The following DUOX2 variants were observed in gnomAD, a reference collection of about 807,000 sequenced individuals.
DUOX2 encodes NADH/NADPH thyroid oxidase p138-tox.
A neutral mutation model predicts 183.3 loss-of-function variants in DUOX2; 185 were observed. That is an observed-to-expected ratio of 1.01 (90% CI 0.90 to 1.14). The LOEUF is 1.14. Among genes scored for constraint, DUOX2 ranks in the 50% most tolerant of loss-of-function variants. The pLI, the probability that DUOX2 is intolerant of heterozygous loss-of-function variation, is 0.00. For synonymous variants in DUOX2, 788 were observed against 812.4 expected (o/e 0.97, Z 0.51); for missense variants, 1,999 against 2,022.9 (o/e 0.99, Z 0.23).
Position 45,094,049 on chromosome 15 carries a change from C to A in DUOX2, c.*101G>T. On this transcript the variant is annotated 3_prime_UTR_variant, in exon 34 of 34. Coordinates refer to ENST00000389039, the MANE Select transcript of DUOX2 (RefSeq NM_001363711.2). ...GGCTCTGCAGCCCTCCAGCTGAGGC[C>A]TAAGGTGGATTCTGATGGAGAGATT... The A allele has an allele frequency of 6.4e-7, 1 of 1,557,560 alleles. No homozygotes were observed. Among genetic ancestry groups the A allele is most frequent in the South Asian group, 1.1e-5 (1 of 89,514 alleles).
chr15:45,109,794 G>A (rs1894328561), intron 10 of DUOX2, 96 bp downstream of exon 10: 3 of 1,365,934 alleles, frequency 2.2e-6, no homozygotes, highest in Non-Finnish European at 3.1e-6. Flanking sequence ...TGAACCTGGG[G>A]CAGCAACACT....
chr15:45,103,930 G>A (rs2141148696), intron 20 of DUOX2, 30 bp downstream of exon 20: 3 of 1,611,492 alleles, frequency 1.9e-6, no homozygotes, highest in African/African-American at 2.7e-5. Flanking sequence ...ACACCAGGAA[G>A]TCTCAGGATT....
At chr15:45,097,500 G>A (rs557823996) in intron 28 of DUOX2, 109 bp from the exon 29 acceptor site, 5 of 1,612,004 alleles carry the variant, frequency 3.1e-6, no homozygotes, top group Admixed American at 3.3e-5. Context: ...TGAGGTCTGG[G>A]GTCTTAAATC....
At chr15:45,107,256 C>T in intron 14 of DUOX2, 89 bp downstream of exon 14, 1 of 1,541,990 alleles carries the variant, frequency 6.5e-7, no homozygotes, top group East Asian at 2.3e-5. Context: ...GCCTGGCTCC[C>T]TGGACAGCAC....
chr15:45,094,047 G>C lies in DUOX2; in HGVS notation c.*103C>G. 6.5e-7 allele frequency: 1 copy of C among 1,533,108 alleles called. No individual in the cohort carries two copies. The allele number at this position is 1,533,108 out of a possible 1,614,324, so 95.0% of individuals were successfully genotyped here. ...GGGGCTCTGCAGCCCTCCAGCTGAGGCCTAAGGTGGATTCTGATGGAGAGA... is the reference window on the plus strand; with the variant it reads ...GGGGCTCTGCAGCCCTCCAGCTGAGCCCTAAGGTGGATTCTGATGGAGAGA... On this transcript the variant is annotated 3_prime_UTR_variant, in exon 34 of 34. Transcript: ENST00000389039.
intron 30 of DUOX2, 35 bp from the exon 31 acceptor site, chr15:45,095,630 C>A (rs1388242608): frequency 6.8e-6 from 11 of 1,614,086 alleles, no homozygotes; most frequent in Non-Finnish European, 8.5e-6. Context: ...ATGAGCCTGA[C>A]CCTGCCCCAG....
In DUOX2 at chr15:45,113,095, G is replaced by A; in HGVS notation, c.71-19C>T. On this transcript the variant is annotated intron_variant, in intron 2 of 33. Transcript: ENST00000389039. ...TGACTGCCTGTGGGCACAGAGAAGGGCCTCCTCAGCACTACGCTCCCAGCT... is the reference window on the plus strand; with the variant it reads ...TGACTGCCTGTGGGCACAGAGAAGGACCTCCTCAGCACTACGCTCCCAGCT... 6.2e-7 allele frequency: 1 copy of A among 1,610,314 alleles called. No homozygotes were observed. Among genetic ancestry groups the A allele is most frequent in the Non-Finnish European group, 8.5e-7 (1 of 1,177,782 alleles).
At chr15:45,101,065 G>T in intron 22 of DUOX2, 140 bp downstream of exon 22, 1 of 802,612 alleles carries the variant, frequency 1.2e-6, no homozygotes, top group South Asian at 1.5e-5. Flanking sequence ...AGAGGCAGCT[G>T]GAATGTTTGT....
At chr15:45,113,576 G>A in intron 1 of DUOX2, 151 bp from the exon 2 acceptor site, 2 of 672,054 alleles carry the variant, frequency 3.0e-6, no homozygotes, top group Non-Finnish European at 5.3e-6. Flanking sequence ...GCATCACCGA[G>A]GACCTTCATC....
chr15:45,112,913 C>G (rs1012513234), intron 3 of DUOX2, 74 bp downstream of exon 3: 1 of 1,577,406 alleles, frequency 6.3e-7, no homozygotes, highest in South Asian at 1.1e-5. Context: ...CCCGCAGATT[C>G]CCCGCTCAGG....
chr15:45,095,693 G>A, intron 30 of DUOX2, 98 bp from the exon 31 acceptor site: 1 of 1,585,074 alleles, frequency 6.3e-7, no homozygotes, highest in African/African-American at 1.3e-5. Context: ...GAACATCCTA[G>A]TCTTTTCTGA....
intron 14 of DUOX2, 65 bp from the exon 15 acceptor site, chr15:45,107,034 C>T: frequency 1.9e-6 from 3 of 1,551,098 alleles, no homozygotes; most frequent in South Asian, 1.2e-5. Context: ...GACCTCTTTC[C>T]CCTCTATCCT....
At chr15:45,106,477 G>C in intron 16 of DUOX2, 51 bp downstream of exon 16, 1 of 1,601,652 alleles carries the variant, frequency 6.2e-7, no homozygotes, top group African/African-American at 1.3e-5. Flanking sequence ...CCAGACTCCT[G>C]TCTCTCCCCT....
At chr15:45,106,670 A>G in intron 15 of DUOX2, 29 bp from the exon 16 acceptor site, 1 of 1,607,774 alleles carries the variant, frequency 6.2e-7, no homozygotes, top group Non-Finnish European at 8.5e-7. Context: ...AACAGTGAGG[A>G]GGGAGCCCCT....
chr15:45,097,438 G>C, intron 28 of DUOX2, 47 bp from the exon 29 acceptor site: 1 of 1,614,076 alleles, frequency 6.2e-7, no homozygotes, highest in Non-Finnish European at 8.5e-7. Context: ...CCAGGCCCCT[G>C]CCCGGCATCC....
rs753559773 is a variant in DUOX2 at position 45,104,171 on chromosome 15, C to T, written c.2529G>A (p.Glu843=). 1.4e-5 allele frequency: 23 copies of T among 1,614,218 alleles called. No individual in the cohort carries two copies. In the Admixed American group the frequency reaches 3.8e-4, roughly 27 times the overall value. The change falls in exon 19 of 34, where the codon GAG becomes GAA. Residue 843 remains glutamate, a synonymous_variant. Coordinates refer to ENST00000389039, the MANE Select transcript of DUOX2 (RefSeq NM_001363711.2). ...TGAAGACCACCAGGATGTCCAGGAA[C>T]TCTCGGAAGGACAGGTAGCCATTGC... ...KDGNGYLSFR[E]FLDILVVFMK... is the part of the protein sequence containing the mutation.
intron 14 of DUOX2, 47 bp from the exon 15 acceptor site, chr15:45,107,016 T>C: frequency 6.4e-7 from 1 of 1,557,154 alleles, no homozygotes; most frequent in Non-Finnish European, 8.7e-7. Context: ...GATCCCGCTA[T>C]GTGGCCAGAC....
Position 45,112,543 on chromosome 15 carries a change from T to C in DUOX2, c.325+11A>G, listed in dbSNP as rs1894462568. 6.2e-7 allele frequency: 1 copy of C among 1,612,438 alleles called. No homozygotes were observed. On this transcript the variant is annotated intron_variant, in intron 4 of 33. Transcript: ENST00000389039. ...CAGATCAACCCCACTGGTCTCCCCC[T>C]TTGCCCTCACCAAAGAAGACCCCCA...
At chr15:45,105,505 T>C in intron 18 of DUOX2, 138 bp downstream of exon 18, 2 of 1,051,786 alleles carry the variant, frequency 1.9e-6, no homozygotes, top group Non-Finnish European at 2.9e-6. Context: ...AAAGTGGCAA[T>C]GCCAGGATTC....
Sources: gnomAD v4.1 joint callset for allele counts on GRCh38, gnomAD v4.1.1 for gene constraint, MANE v1.5 for transcripts, NCBI Gene and HGNC (gene_info 2026-07-23, HGNC 2026-07-21) for gene names.